Variants in PACRG observed in about 807,000 individuals in gnomAD.
The protein encoded by PACRG is parkin coregulated.
Under a neutral mutation model 29.7 loss-of-function variants are expected in PACRG, and 29 were observed. That is an observed-to-expected ratio of 0.98 (90% CI 0.73 to 1.33). The LOEUF (loss-of-function observed/expected upper bound fraction) is 1.33, where lower values mean the gene tolerates loss of function less well. Ranked by LOEUF, PACRG falls within the 40% of genes most tolerant of loss-of-function variation. The pLI is 0.00. For synonymous variants in PACRG, 116 were observed against 118.7 expected (o/e 0.98, Z 0.15); for missense variants, 279 against 316.2 (o/e 0.88, Z 0.89).
intron 4 of PACRG, among the ~76,000 whole-genome samples, chr6:163,092,905 C>T (rs1206905292): frequency 6.6e-6 from 1 of 152,074 alleles, no homozygotes; most frequent in Non-Finnish European, 1.5e-5. Flanking sequence ...TGTGTGTGAC[C>T]CATAGCGCTC....
intron 2 of PACRG, among the ~76,000 whole-genome samples, chr6:162,885,560 C>T (rs768885416): frequency 1.3e-5 from 2 of 152,036 alleles, no homozygotes; most frequent in African/African-American, 2.4e-5. Flanking sequence ...TGTGAGCCAC[C>T]GTGCCTGGCC....
intron 1 of PACRG, among the ~76,000 whole-genome samples, chr6:162,787,574 GTGTGTGTGTATATATATATA>G (rs1368207976): frequency 3.0e-4 from 18 of 60,406 alleles, no homozygotes; most frequent in African/African-American, 1.2e-3. Context: ...GTGTGTGTGT[GTGTGTGTGTATATATATATA>G]TATATATATA....
At chr6:163,290,707 A>G (rs1377663472) in intron 4 of PACRG, among the ~76,000 whole-genome samples, 1 of 152,252 alleles carries the variant, frequency 6.6e-6, no homozygotes, top group East Asian at 1.9e-4. Context: ...TCCTGGCACT[A>G]GAAAATATTC....
At chr6:162,766,094 T>G (rs1229066813) in intron 1 of PACRG, among the ~76,000 whole-genome samples, 1 of 152,180 alleles carries the variant, frequency 6.6e-6, no homozygotes, top group Non-Finnish European at 1.5e-5. Flanking sequence ...AATTCTCTCT[T>G]TAGCTATTTA....
upstream of PACRG, chr6:162,727,865 T>C: frequency 1.7e-6 from 1 of 600,314 alleles, no homozygotes; most frequent in Non-Finnish European, 2.9e-6. Context: ...GCGTAGTTTC[T>C]CCTCACGCCT....
At chr6:162,801,712 T>C (rs1049899508) in intron 1 of PACRG, among the ~76,000 whole-genome samples, 3 of 152,160 alleles carry the variant, frequency 2.0e-5, no homozygotes, top group African/African-American at 7.2e-5. Context: ...ACAGGAAATA[T>C]GAATTTTATT....
intron 4 of PACRG, among the ~76,000 whole-genome samples, chr6:163,119,584 T>TC (rs1816174006): frequency 1.3e-5 from 2 of 152,300 alleles, no homozygotes; most frequent in Admixed American, 1.3e-4. Flanking sequence ...TGATGGAGAC[T>TC]CCAAGTGTTA....
intron 4 of PACRG, among the ~76,000 whole-genome samples, chr6:163,296,770 C>T (rs557767685): frequency 6.6e-6 from 1 of 152,192 alleles, no homozygotes; most frequent in African/African-American, 2.4e-5. Context: ...CTCTTTCAGA[C>T]AGGGCAATAA....
chr6:163,179,409 A>C (rs1052896720), intron 4 of PACRG: 1 of 293,932 alleles, frequency 3.4e-6, no homozygotes. Context: ...AAAAAAAAAA[A>C]AAACTTCTGG....
intron 4 of PACRG, among the ~76,000 whole-genome samples, chr6:163,294,649 C>T (rs1374811353): frequency 3.3e-5 from 5 of 152,074 alleles, no homozygotes; most frequent in South Asian, 4.1e-4. Context: ...ATCACAGTGA[C>T]TCAAAATTAT....
intron 2 of PACRG, among the ~76,000 whole-genome samples, chr6:162,903,284 T>G (rs181072584): frequency 2.0e-4 from 30 of 152,296 alleles, no homozygotes; most frequent in African/African-American, 7.2e-4. Flanking sequence ...GGGAGATATT[T>G]GGGAATATAT....
intron 2 of PACRG, among the ~76,000 whole-genome samples, chr6:163,048,570 T>G (rs1303236394): frequency 6.6e-6 from 1 of 152,160 alleles, no homozygotes; most frequent in African/African-American, 2.4e-5. Flanking sequence ...GGTTTTCGTA[T>G]TAAGGTTATG....
intron 4 of PACRG, among the ~76,000 whole-genome samples, chr6:163,198,322 T>C (rs763167383): frequency 2.6e-5 from 4 of 152,018 alleles, no homozygotes; most frequent in African/African-American, 4.8e-5. Context: ...AGTTTGATTA[T>C]TTGTTTATCA....
rs116010375 is a variant in PACRG at position 163,055,937 on chromosome 6, G to A, written c.292-6213G>A. On this transcript the variant is annotated intron_variant, in intron 2 of 4. Coordinates refer to ENST00000366888, the MANE Select transcript of PACRG (RefSeq NM_001080379.2). The surrounding 1 kb of genome is among the most constrained non-coding windows in gnomAD (Gnocchi z 4.0). ...TCATAGAAATGGAATCGTACAGTATGTGGTCTTTTGTGACTGTCCTCCTTC... is the reference window on the plus strand; with the variant it reads ...TCATAGAAATGGAATCGTACAGTATATGGTCTTTTGTGACTGTCCTCCTTC... 5.0e-3 allele frequency among the ~76,000 whole-genome samples: 758 copies of A among 152,316 alleles called. 9 individuals carry two copies. The highest frequency in any genetic ancestry group is 0.017 in the African/African-American group (706 of 41,556).
intron 1 of PACRG, among the ~76,000 whole-genome samples, chr6:162,760,678 A>G (rs1441491257): frequency 6.6e-6 from 1 of 152,024 alleles, no homozygotes; most frequent in South Asian, 2.1e-4. Context: ...CTGAGATGAG[A>G]TAGTGGGACG....
At chr6:162,780,440 G>T (rs1784009881) in intron 1 of PACRG, among the ~76,000 whole-genome samples, 1 of 151,916 alleles carries the variant, frequency 6.6e-6, no homozygotes, top group African/African-American at 2.4e-5. Context: ...ATGATCCAAA[G>T]AAATTTCAAA....
At chr6:162,757,770 G>T (rs1782043343) in intron 1 of PACRG, among the ~76,000 whole-genome samples, 1 of 151,962 alleles carries the variant, frequency 6.6e-6, no homozygotes, top group African/African-American at 2.4e-5. Context: ...GCATGAGGAA[G>T]TAAGATACAT....
At chr6:163,136,357 C>T (rs1816936900) in intron 4 of PACRG, among the ~76,000 whole-genome samples, 1 of 152,122 alleles carries the variant, frequency 6.6e-6, no homozygotes, top group African/African-American at 2.4e-5. Flanking sequence ...TGTTCTTAAA[C>T]CTTTGTGTTT....
chr6:163,172,892 A>G (rs1042769819), intron 4 of PACRG, among the ~76,000 whole-genome samples: 6 of 152,376 alleles, frequency 3.9e-5, no homozygotes, highest in African/African-American at 1.4e-4. Flanking sequence ...TCTGTTTTTA[A>G]TAATAGTGAA....
Sources: gnomAD v4.1 joint callset for allele counts (sites outside exome capture counted in the v4.1 genomes callset) on GRCh38, gnomAD v4.1.1 for gene constraint, Gnocchi (gnomAD v3.1) non-coding constraint, MANE v1.5 for transcripts, NCBI Gene and HGNC (gene_info 2026-07-23, HGNC 2026-07-21) for gene names.